JARID2: variants seen among roughly 807,000 people sequenced by gnomAD.
The protein encoded by JARID2 is protein Jumonji.
A neutral mutation model predicts 125.6 loss-of-function variants in JARID2; 21 were observed. The observed-to-expected ratio is 0.17, with a 90% confidence interval of 0.12 to 0.24. The LOEUF is 0.24. Among genes scored for constraint, JARID2 ranks in the 10% least tolerant of loss-of-function variants. The pLI is 1.00. For synonymous variants in JARID2, 736 were observed against 661.6 expected (o/e 1.11, Z -1.73); for missense variants, 1,303 against 1,639.6 (o/e 0.79, Z 3.55).
At chr6:15,413,000 G>GTTTTTT (rs1561845196) in intron 3 of JARID2, among the ~76,000 whole-genome samples, 14 of 65,044 alleles carry the variant, frequency 2.2e-4, no homozygotes, top group African/African-American at 7.8e-4. Context: ...GGAAGAGCTT[G>GTTTTTT]TGTTTTTGTT....
chr6:15,377,182 A>G (rs1000437490), intron 2 of JARID2, among the ~76,000 whole-genome samples: 1 of 152,178 alleles, frequency 6.6e-6, no homozygotes, highest in Non-Finnish European at 1.5e-5. Flanking sequence ...ATAAAGGCAT[A>G]TTGGAGACTG....
At chr6:15,322,052 T>C (rs1047134731) in intron 1 of JARID2, among the ~76,000 whole-genome samples, 2 of 152,166 alleles carry the variant, frequency 1.3e-5, no homozygotes, top group Admixed American at 1.3e-4. Flanking sequence ...CCCAAAGTGC[T>C]GTAATTACAG....
At chr6:15,267,802 G>T (rs1401624928) in intron 1 of JARID2, among the ~76,000 whole-genome samples, 1 of 152,042 alleles carries the variant, frequency 6.6e-6, no homozygotes, top group African/African-American at 2.4e-5. Context: ...TCCCCAGAGG[G>T]TTTATATTTT....
chr6:15,294,833 A>G (rs1372723784), intron 1 of JARID2, among the ~76,000 whole-genome samples: 2 of 152,326 alleles, frequency 1.3e-5, no homozygotes, highest in South Asian at 2.1e-4. Flanking sequence ...GAGTGATACA[A>G]GGGAAGGACT....
intron 3 of JARID2, among the ~76,000 whole-genome samples, chr6:15,427,552 T>C (rs964378754): frequency 1.3e-5 from 2 of 152,080 alleles, no homozygotes; most frequent in African/African-American, 4.8e-5. Context: ...CAAGTTTCTT[T>C]CCTTCCTCCT....
At chr6:15,428,459 C>A (rs1263988805) in intron 3 of JARID2, among the ~76,000 whole-genome samples, 2 of 152,096 alleles carry the variant, frequency 1.3e-5, no homozygotes, top group Admixed American at 6.6e-5. Flanking sequence ...TGTGATGTTG[C>A]CCTTCCTGTG....
At chr6:15,468,821 T>G in intron 5 of JARID2, 103 bp downstream of exon 5, 1 of 1,104,746 alleles carries the variant, frequency 9.1e-7, no homozygotes, top group Non-Finnish European at 1.3e-6. Context: ...CAAAGCTCGT[T>G]CTGGGTACTT....
At chr6:15,342,288 A>G (rs187687880) in intron 1 of JARID2, among the ~76,000 whole-genome samples, 62 of 152,164 alleles carry the variant, frequency 4.1e-4, no homozygotes, top group Admixed American at 5.2e-4. Context: ...GTAAACATCT[A>G]TTGTCTCCCA....
intron 2 of JARID2, among the ~76,000 whole-genome samples, chr6:15,409,173 CAG>C (rs1292456867): frequency 6.6e-6 from 1 of 152,096 alleles, no homozygotes; most frequent in Non-Finnish European, 1.5e-5. Context: ...GTACAACTAA[CAG>C]AAGTCACTTT....
At position 15,489,583 on chromosome 6, in the gene JARID2, AGAGCT is replaced by A. The variant is rs1372232067; in HGVS notation, c.906+2045_906+2049del. Among the ~76,000 whole-genome samples the A allele has an allele frequency of 3.3e-5, 5 of 152,380 alleles. No homozygotes were observed. In the East Asian group the frequency reaches 9.6e-4, roughly 29 times the overall value. On this transcript the variant is annotated intron_variant, in intron 6 of 17. Transcript: ENST00000341776. ...GAATTAGTACAGTTGGACAGAGGAA[AGAGCT>A]GAGGAGGAACAGAAAGTACTGCCTT... is the stretch of plus-strand genomic sequence containing the variant.
intron 1 of JARID2, among the ~76,000 whole-genome samples, chr6:15,335,947 G>C (rs1419069384): frequency 6.6e-6 from 1 of 152,110 alleles, no homozygotes; most frequent in Non-Finnish European, 1.5e-5. Context: ...ATAGCCAGAG[G>C]TGGTGGTATG....
chr6:15,252,302 G>T (rs1005043799), intron 1 of JARID2, among the ~76,000 whole-genome samples: 1 of 152,052 alleles, frequency 6.6e-6, no homozygotes, highest in African/African-American at 2.4e-5. Flanking sequence ...AAATGTTAGG[G>T]AATACCTTTT....
At chr6:15,507,037 G>A in intron 9 of JARID2, 99 bp from the exon 10 acceptor site, 1 of 764,288 alleles carries the variant, frequency 1.3e-6, no homozygotes. Flanking sequence ...TGAGGGGTGT[G>A]TGCACCAGGC....
Position 15,497,708 on chromosome 6 carries a change from G to C in JARID2, c.1945+538G>C, listed in dbSNP as rs534032707. Among the ~76,000 whole-genome samples, 16 of 151,902 alleles carry C rather than the reference G, an allele frequency of 1.1e-4. No homozygotes were observed. The East Asian group carries it at 3.1e-3, about 30-fold the overall frequency. ...GGGGTGAGCCCCCACTCTGGGTCTGGGCCCCTTGCTTCCCCTGGGCTGTCA... is the reference window on the plus strand; with the variant it reads ...GGGGTGAGCCCCCACTCTGGGTCTGCGCCCCTTGCTTCCCCTGGGCTGTCA... On this transcript the variant is annotated intron_variant, in intron 7 of 17. Coordinates refer to ENST00000341776, the MANE Select transcript of JARID2 (RefSeq NM_004973.4).
intron 8 of JARID2, among the ~76,000 whole-genome samples, chr6:15,502,167 C>A (rs6920285): frequency 6.6e-6 from 1 of 152,232 alleles, no homozygotes. Context: ...CGGCAGCACA[C>A]TCATCCTGAG....
chr6:15,335,869 T>C (rs777276382), intron 1 of JARID2, among the ~76,000 whole-genome samples: 1 of 151,914 alleles, frequency 6.6e-6, no homozygotes, highest in Non-Finnish European at 1.5e-5. Context: ...GGGGGACGGA[T>C]TGCTTGAACC....
In JARID2 at chr6:15,520,687, G is replaced by GCA. The variant is rs1771795276; in HGVS notation, c.*437_*438insAC. 5.0e-5 allele frequency: 20 copies of GCA among 403,606 alleles called. No individual in the cohort carries two copies. Among genetic ancestry groups the GCA allele is most frequent in the Non-Finnish European group, 5.6e-5 (11 of 197,092 alleles). 25.0% of individuals were successfully genotyped at this position (403,606 alleles called of 1,614,324 possible). A position where few individuals can be genotyped will look rare whatever the true frequency, so the allele number is the denominator to read the frequency against. On this transcript the variant is annotated 3_prime_UTR_variant, in exon 18 of 18. Coordinates refer to ENST00000341776, the MANE Select transcript of JARID2 (RefSeq NM_004973.4). ...TTTTTAGAAGGGATAGGAGACACAC[G>GCA]CGCACACACACACACACACGAAACT...
At chr6:15,403,919 T>A (rs545509925) in intron 2 of JARID2, among the ~76,000 whole-genome samples, 1 of 152,208 alleles carries the variant, frequency 6.6e-6, no homozygotes, top group Admixed American at 6.5e-5. Flanking sequence ...GGTGGGGGTG[T>A]TTTTGGATTG....
chr6:15,333,257 A>G (rs1165334335), intron 1 of JARID2, among the ~76,000 whole-genome samples: 1 of 151,362 alleles, frequency 6.6e-6, no homozygotes, highest in Non-Finnish European at 1.5e-5. Context: ...AGTATATACA[A>G]CTCGGTGTTT....
Sources: allele counts gnomAD v4.1 joint callset (sites outside exome capture counted in the v4.1 genomes callset), GRCh38; gene constraint gnomAD v4.1.1; transcripts MANE v1.5; gene names NCBI Gene and HGNC (gene_info 2026-07-23, HGNC 2026-07-21).